Variants in AP4M1 observed in about 807,000 individuals in gnomAD.
AP4M1 encodes AP-4 complex subunit mu-1.
In AP4M1, 58 loss-of-function variants were observed where a neutral mutation model predicts 62.4. The ratio of observed to expected loss-of-function variants is 0.93; its 90% CI spans 0.75 to 1.16. The LOEUF (loss-of-function observed/expected upper bound fraction) is 1.16, where lower values mean the gene tolerates loss of function less well. Ranked by LOEUF, AP4M1 falls within the 50% of genes most tolerant of loss-of-function variation. AP4M1 has a pLI of 0.00. For missense variants in AP4M1, 626 were observed against 585.4 expected, an observed-to-expected ratio of 1.07 and a Z score of -0.72; for synonymous variants, 290 against 239.7, an observed-to-expected ratio of 1.21 and a Z score of -1.94.
chr7:100,108,396 C>G lies in AP4M1; in HGVS notation c.*1514C>G. The G allele has an allele frequency of 6.2e-7, 1 of 1,611,980 alleles. No homozygotes were observed. The highest frequency in any genetic ancestry group is 8.5e-7 in the Non-Finnish European group (1 of 1,178,458). On this transcript the variant is annotated 3_prime_UTR_variant, in exon 15 of 15. Coordinates refer to ENST00000359593, the MANE Select transcript of AP4M1 (RefSeq NM_004722.4). ...GTGATGGTCAGAGTGGTCCTGTTGA[C>G]CTGCTGAGCCTGCAGAGCAGCCTGG...
intron 2 of AP4M1, 160 bp from the exon 3 acceptor site, chr7:100,102,515 C>G: frequency 1.4e-6 from 1 of 694,540 alleles, no homozygotes; most frequent in Non-Finnish European, 2.6e-6. Flanking sequence ...AACCCCCTTT[C>G]CACATTGGGA....
upstream of AP4M1, chr7:100,101,128 C>A (rs1488069829): frequency 3.6e-6 from 4 of 1,111,556 alleles, no homozygotes; most frequent in Admixed American, 2.1e-5. Context: ...AGCCAGGCCG[C>A]AGCTCGACCC....
rs1412505188 is a variant in AP4M1, at chr7:100,103,440, A to T, written c.383A>T (p.Glu128Val). ...GGCTATGTACAGACCACATCCACGGAGATGCTGAGGAATTTCATCCAGACG... is the reference window on the plus strand; with the variant it reads ...GGCTATGTACAGACCACATCCACGGTGATGCTGAGGAATTTCATCCAGACG... ...DYGYVQTTST[E>V]MLRNFIQTEA... Residue 128 changes from glutamate to valine, a missense_variant, in exon 5 of 15, where the codon GAG becomes GTG. Coordinates refer to ENST00000359593, the MANE Select transcript of AP4M1 (RefSeq NM_004722.4). The T allele has an allele frequency of 6.2e-7, 1 of 1,614,072 alleles. No individual in the cohort carries two copies. The highest frequency in any genetic ancestry group is 8.5e-7 in the Non-Finnish European group (1 of 1,180,020).
chr7:100,108,659 ATCATC>A lies in AP4M1; in HGVS notation c.*1781_*1785del. 2 of 1,162,392 alleles carry A rather than the reference ATCATC, an allele frequency of 1.7e-6. No homozygotes were observed. The allele number at this position is 1,162,392 out of a possible 1,614,324, so 72.0% of individuals were successfully genotyped here. ...GATGGGGTAAAAAAGGACATTCCTT[ATCATC>A]TCAGTGCCCCTGTTGAAGGCCAAAT... On this transcript the variant is annotated 3_prime_UTR_variant, in exon 15 of 15. Coordinates refer to ENST00000359593, the MANE Select transcript of AP4M1 (RefSeq NM_004722.4).
In AP4M1 at chr7:100,108,255, GGTT is replaced by G; in HGVS notation, c.*1375_*1377del. The G allele has an allele frequency of 6.9e-7, 1 of 1,455,988 alleles. No individual in the cohort carries two copies. Among genetic ancestry groups the G allele is most frequent in the Non-Finnish European group, 9.1e-7 (1 of 1,095,342 alleles). 90.2% of individuals were successfully genotyped at this position (1,455,988 alleles called of 1,614,324 possible). A position where few individuals can be genotyped will look rare whatever the true frequency, so the allele number is the denominator to read the frequency against. ...GCTGGGGCATCCTCACTCAGGGCCT[GGTT>G]GCCCTGAGACTACTGACTGAGGGCA... is the stretch of plus-strand genomic sequence containing the variant. On this transcript the variant is annotated 3_prime_UTR_variant, in exon 15 of 15. Coordinates refer to ENST00000359593, the MANE Select transcript of AP4M1 (RefSeq NM_004722.4).
rs1164745863 is a variant in AP4M1 at position 100,108,036 on chromosome 7, G to A, written c.*1154G>A. On this transcript the variant is annotated 3_prime_UTR_variant, in exon 15 of 15. Coordinates refer to ENST00000359593, the MANE Select transcript of AP4M1 (RefSeq NM_004722.4). Reference sequence around the variant, plus strand: ...CGTGCAGACACCAGTGTCTGGACAGGAAGTGCGATGGAGCCAGGAACCTTC... The same window carrying A: ...CGTGCAGACACCAGTGTCTGGACAGAAAGTGCGATGGAGCCAGGAACCTTC... The A allele has an allele frequency of 1.9e-6, 3 of 1,613,700 alleles. No homozygotes were observed. The highest frequency in any genetic ancestry group is 1.7e-6 in the Non-Finnish European group (2 of 1,179,954).
rs201704839 is a variant in AP4M1 at position 100,107,474 on chromosome 7, A to G, written c.*592A>G. The stretch of plus-strand genomic sequence containing the variant: ...GTGAGACCACGATGTACTTCTGGAC[A>G]CTCCCAGGACCAGAGGGAGCAGTGC... On this transcript the variant is annotated 3_prime_UTR_variant, in exon 15 of 15. Coordinates refer to ENST00000359593, the MANE Select transcript of AP4M1 (RefSeq NM_004722.4). 179 of 1,613,458 alleles carry G rather than the reference A, an allele frequency of 1.1e-4. No individual in the cohort carries two copies. Among genetic ancestry groups the G allele is most frequent in the Admixed American group, 6.7e-5 (4 of 59,912 alleles).
rs754138210 is a variant in AP4M1, at chr7:100,106,464, T to C, written c.1087T>C (p.Trp363Arg). 22 of 1,613,932 alleles carry C rather than the reference T, an allele frequency of 1.4e-5. No individual in the cohort carries two copies. The highest frequency in any genetic ancestry group is 1.8e-5 in the Non-Finnish European group (21 of 1,180,036). ...TGAGCTGGCAGAGGGAGCCCTTCGC[T>C]GGGACCTGCCTCGGGTGCAAGGAGG... is the stretch of plus-strand genomic sequence containing the variant. ...KAELAEGALR[W>R]DLPRVQGGSQ... The change falls in exon 14 of 15, where the codon TGG (tryptophan) becomes CGG (arginine). Residue 363 changes from tryptophan to arginine, a missense_variant. Coordinates refer to ENST00000359593, the MANE Select transcript of AP4M1 (RefSeq NM_004722.4).
Position 100,101,772 on chromosome 7 carries a change from T to G in AP4M1, c.58T>G (p.Phe20Val), listed in dbSNP as rs1403622671. 6.2e-7 allele frequency: 1 copy of G among 1,611,332 alleles called. No homozygotes were observed. The highest frequency in any genetic ancestry group is 8.5e-7 in the Non-Finnish European group (1 of 1,178,958). ...SKGDPLIYKD[F>V]RGDSGGRDVA... The stretch of plus-strand genomic sequence containing the variant: ...GGGGGACCCGCTCATCTACAAAGAC[T>G]GTATCCTAGACCCTTGGGGCTGGGA... Residue 20 changes from phenylalanine (F) to valine (V), a missense_variant and splice_region_variant, in exon 1 of 15, where the codon TTC becomes GTC. Transcript: ENST00000359593.
Position 100,105,544 on chromosome 7 carries a change from G to C in AP4M1, c.929+5G>C. ...GTGGGACCGAGGCTCAGGCCGGTGA[G>C]ACAATTTCCTGGGTTCTAGAACTAC... On this transcript the variant is annotated splice_donor_5th_base_variant and intron_variant, in intron 11 of 14. Coordinates refer to ENST00000359593, the MANE Select transcript of AP4M1 (RefSeq NM_004722.4). 1.2e-6 allele frequency: 2 copies of C among 1,611,644 alleles called. No individual in the cohort carries two copies. Among genetic ancestry groups the C allele is most frequent in the Non-Finnish European group, 1.7e-6 (2 of 1,179,358 alleles).
At chr7:100,100,905 C>G (rs1795977113), upstream of AP4M1, 1 of 1,057,420 alleles carries the variant, frequency 9.5e-7, no homozygotes, top group Non-Finnish European at 1.2e-6. Flanking sequence ...CCTGGGAATG[C>G]CCAAAAGCGC....
chr7:100,108,277 G>A lies in AP4M1; in HGVS notation c.*1395G>A. On this transcript the variant is annotated 3_prime_UTR_variant, in exon 15 of 15. Coordinates refer to ENST00000359593, the MANE Select transcript of AP4M1 (RefSeq NM_004722.4). Reference sequence around the variant, plus strand: ...CCTGGTTGCCCTGAGACTACTGACTGAGGGCACATGTGGCTGTGTGCAAGT... The same window carrying A: ...CCTGGTTGCCCTGAGACTACTGACTAAGGGCACATGTGGCTGTGTGCAAGT... 6.7e-7 allele frequency: 1 copy of A among 1,484,786 alleles called. No individual in the cohort carries two copies. The highest frequency in any genetic ancestry group is 9.0e-7 in the Non-Finnish European group (1 of 1,114,350). The allele number at this position is 1,484,786 out of a possible 1,614,324, so 92.0% of individuals were successfully genotyped here. A position where few individuals can be genotyped will look rare whatever the true frequency, so the allele number is the denominator to read the frequency against.
Position 100,105,502 on chromosome 7 carries a change from C to T in AP4M1, c.892C>T (p.Leu298Phe), listed in dbSNP as rs1796391916. 4.3e-6 allele frequency: 7 copies of T among 1,613,958 alleles called. No homozygotes were observed. The highest frequency in any genetic ancestry group is 5.9e-6 in the Non-Finnish European group (7 of 1,180,024). Reference protein sequence around the residue: ...DDLPSPLPFRLFPSVQWDRGS... With the variant: ...DDLPSPLPFRFFPSVQWDRGS... ...CCTCCCCTCACCGCTCCCCTTCCGG[C>T]TCTTCCCCTCTGTGCAGTGGGACCG... The change falls in exon 11 of 15, where the codon CTC becomes TTC. Residue 298 changes from leucine to phenylalanine, a missense_variant. Physicochemically the swap from Leu to Phe is conservative, Grantham distance 22 (BLOSUM62 0). Coordinates refer to ENST00000359593, the MANE Select transcript of AP4M1 (RefSeq NM_004722.4).
At position 100,106,247 on chromosome 7, in the gene AP4M1, C is replaced by T. The variant is rs563402705; in HGVS notation, c.981C>T (p.Ala327=). 8.4e-5 allele frequency: 135 copies of T among 1,614,134 alleles called. 1 individual carries two copies. In the South Asian group the frequency reaches 1.0e-3, roughly 12 times the overall value. The stretch of plus-strand genomic sequence containing the variant: ...GTTCCCGTCTCCTCTGTAGCCAAGC[C>T]CTCAATGTCAGGCTGCACCTCCCCC... The part of the protein sequence containing the change: ...LRCDLLSKSQ[A]LNVRLHLPLP... Residue 327 remains alanine, a synonymous_variant, in exon 13 of 15, where the codon GCC becomes GCT. Transcript: ENST00000359593.
intron 12 of AP4M1, 24 bp downstream of exon 12, chr7:100,106,027 G>A: frequency 1.2e-6 from 2 of 1,613,814 alleles, no homozygotes; most frequent in Non-Finnish European, 1.7e-6. Flanking sequence ...TGGCCTGGCT[G>A]AGTTCAGCTC....
chr7:100,106,562 G>GCGCC, intron 14 of AP4M1, 48 bp downstream of exon 14: 2 of 1,514,794 alleles, frequency 1.3e-6, no homozygotes, highest in Non-Finnish European at 1.8e-6. Flanking sequence ...TTCACTTGCA[G>GCGCC]CCCCCACCCC....
At chr7:100,100,927 G>C (rs1273638686), upstream of AP4M1, 36 of 1,036,250 alleles carry the variant, frequency 3.5e-5, no homozygotes, top group Non-Finnish European at 4.2e-5. Context: ...AAGGAAAGCG[G>C]GCACGGGAGC....
At position 100,101,944 on chromosome 7, in the gene AP4M1, A is replaced by G. The variant is rs766104748; in HGVS notation, c.123A>G (p.Pro41=). The G allele has an allele frequency of 1.2e-6, 2 of 1,613,230 alleles. No homozygotes were observed. The highest frequency in any genetic ancestry group is 1.7e-6 in the Non-Finnish European group (2 of 1,179,970). The change falls in exon 2 of 15, where the codon CCA becomes CCG. Residue 41 remains proline (P), a synonymous_variant. Transcript: ENST00000359593. ...TCTACCGGAAGCTGACGGGACTGCC[A>G]GGAGACGAGTCCCCGGTTGTCATGG... ...ELFYRKLTGL[P]GDESPVVMHH... is the part of the protein sequence containing the mutation.
Position 100,107,808 on chromosome 7 carries a change from C to A in AP4M1, c.*926C>A. 14 of 1,412,106 alleles carry A rather than the reference C, an allele frequency of 9.9e-6. No individual in the cohort carries two copies. Among genetic ancestry groups the A allele is most frequent in the Non-Finnish European group, 1.3e-5 (14 of 1,055,224 alleles). 87.5% of individuals were successfully genotyped at this position (1,412,106 alleles called of 1,614,324 possible). A position where few individuals can be genotyped will look rare whatever the true frequency, so the allele number is the denominator to read the frequency against. On this transcript the variant is annotated 3_prime_UTR_variant, in exon 15 of 15. Coordinates refer to ENST00000359593, the MANE Select transcript of AP4M1 (RefSeq NM_004722.4). The stretch of plus-strand genomic sequence containing the variant: ...AGCCCTGCAGGACCCTGGTGGGCGC[C>A]TCTTCCAGCTCTTGACTTGGGGCCC...
Sources: gnomAD v4.1 joint callset for allele counts on GRCh38, gnomAD v4.1.1 for gene constraint, MANE v1.5 for transcripts, NCBI Gene and HGNC (gene_info 2026-07-23, HGNC 2026-07-21) for gene names.